EYS: variants seen among roughly 807,000 people sequenced by gnomAD.
EYS encodes protein eyes shut homolog.
Under a neutral mutation model 282.1 loss-of-function variants are expected in EYS, and 250 were observed. The observed-to-expected ratio is 0.89, with a 90% CI of 0.80 to 0.98. The LOEUF is 0.98. EYS is among the 50% of genes least tolerant of loss of function. The pLI, the probability that EYS is intolerant of heterozygous loss-of-function variation, is 0.00. For synonymous variants in EYS, 1,355 were observed against 1,282.9 expected, an observed-to-expected ratio of 1.06 and a Z score of -1.20; for missense variants, 4,016 against 3,709.0, an observed-to-expected ratio of 1.08 and a Z score of -2.15.
intron 12 of EYS, among the ~76,000 whole-genome samples, chr6:65,129,798 C>T (rs1174522836): frequency 6.6e-6 from 1 of 151,794 alleles, no homozygotes; most frequent in East Asian, 1.9e-4. Flanking sequence ...CCAACAGTCC[C>T]AATACTGGAT....
intron 22 of EYS, among the ~76,000 whole-genome samples, chr6:64,643,313 C>T (rs1012527603): frequency 2.0e-5 from 3 of 152,076 alleles, no homozygotes; most frequent in East Asian, 1.9e-4. Context: ...GGCAAAACTG[C>T]AATTAATTTT....
chr6:65,705,568 A>G (rs188239276), intron 1 of EYS, among the ~76,000 whole-genome samples: 284 of 152,270 alleles, frequency 1.9e-3, no homozygotes, highest in African/African-American at 6.4e-3. Context: ...CCATGGAAAA[A>G]GGGGCATTGT....
chr6:65,604,716 T>C (rs574295826), intron 2 of EYS, among the ~76,000 whole-genome samples: 225 of 152,068 alleles, frequency 1.5e-3, no homozygotes, highest in Non-Finnish European at 2.7e-3. Context: ...TAAGGTAGAA[T>C]AATGTATGGA....
intron 33 of EYS, among the ~76,000 whole-genome samples, chr6:64,019,367 T>A (rs563676342): frequency 1.3e-5 from 2 of 152,184 alleles, no homozygotes; most frequent in Non-Finnish European, 2.9e-5. Context: ...GTCCATTTCT[T>A]ATAGTAGCTA....
chr6:65,140,591 A>G (rs890104716), intron 12 of EYS, among the ~76,000 whole-genome samples: 1 of 151,198 alleles, frequency 6.6e-6, no homozygotes, highest in African/African-American at 2.4e-5. Context: ...CAACCTACTC[A>G]TCTGACAAAG....
chr6:64,045,749 A>G (rs984939387), intron 33 of EYS, among the ~76,000 whole-genome samples: 2 of 151,298 alleles, frequency 1.3e-5, no homozygotes, highest in Non-Finnish European at 2.9e-5. Flanking sequence ...GCTTGGCCTG[A>G]AACAAATTAT....
intron 9 of EYS, among the ~76,000 whole-genome samples, chr6:65,346,085 A>T (rs1038902934): frequency 4.0e-5 from 6 of 151,658 alleles, no homozygotes; most frequent in Non-Finnish European, 8.8e-5. Context: ...GAGTTAAAGA[A>T]TCTCAGGAGC....
chr6:64,656,945 T>A (rs111795877), intron 22 of EYS, among the ~76,000 whole-genome samples: 1,939 of 152,284 alleles, frequency 0.013, 36 homozygotes, highest in African/African-American at 0.044. Context: ...GGTATTTGCA[T>A]CTATTAAGAT....
intron 29 of EYS, among the ~76,000 whole-genome samples, chr6:64,374,672 C>T (rs577115154): frequency 1.3e-5 from 2 of 152,296 alleles, no homozygotes; most frequent in South Asian, 4.1e-4. Flanking sequence ...TGCTCACTGG[C>T]CCTTTTGTTT....
chr6:65,264,109 T>TA (rs141325256), intron 12 of EYS, among the ~76,000 whole-genome samples: 6,461 of 152,156 alleles, frequency 0.042, 188 homozygotes, highest in Middle Eastern at 0.065. Flanking sequence ...ATGTTCTATT[T>TA]AAAAAAATTA....
chr6:64,978,936 C>A (rs138679631), intron 14 of EYS, among the ~76,000 whole-genome samples: 1 of 151,782 alleles, frequency 6.6e-6, no homozygotes, highest in African/African-American at 2.4e-5. Flanking sequence ...GCAAAGAAAG[C>A]GGTTTCTTGA....
At chr6:63,891,854 C>T (rs1456479634) in intron 35 of EYS, among the ~76,000 whole-genome samples, 1 of 152,178 alleles carries the variant, frequency 6.6e-6, no homozygotes, top group African/African-American at 2.4e-5. Flanking sequence ...CCCAAAATCT[C>T]CTTAAGCTGA....
chr6:63,831,197 A>G (rs973587069), intron 36 of EYS, among the ~76,000 whole-genome samples: 1 of 152,230 alleles, frequency 6.6e-6, no homozygotes, highest in African/African-American at 2.4e-5. Flanking sequence ...TAATGACAGG[A>G]TCAAATTCAC....
intron 15 of EYS, among the ~76,000 whole-genome samples, chr6:64,927,300 A>C (rs1768548792): frequency 6.6e-6 from 1 of 152,162 alleles, no homozygotes; most frequent in Non-Finnish European, 1.5e-5. Flanking sequence ...CGGGGCATGC[A>C]TTGGAAATAC....
At position 63,832,251 on chromosome 6, in the gene EYS, C is replaced by G. The variant is rs994829374; in HGVS notation, c.7229-25879G>C. Reference sequence around the variant, plus strand: ...CTGAAGGAGATAGAGACACAAAAAACCCTTCAAAAAATCAATGAATCCAGG... The same window carrying G: ...CTGAAGGAGATAGAGACACAAAAAAGCCTTCAAAAAATCAATGAATCCAGG... On this transcript the variant is annotated intron_variant, in intron 36 of 42. Coordinates refer to ENST00000503581, the MANE Select transcript of EYS (RefSeq NM_001142800.2). Among the ~76,000 whole-genome samples the G allele has an allele frequency of 4.6e-5, 7 of 152,134 alleles. No individual in the cohort carries two copies. The East Asian group carries it at 1.4e-3, about 29-fold the overall frequency.
chr6:65,424,300 C>G (rs189534159), intron 5 of EYS, among the ~76,000 whole-genome samples: 9 of 151,902 alleles, frequency 5.9e-5, no homozygotes, highest in Admixed American at 5.3e-4. Context: ...TAACCTTGCT[C>G]TTAAGATTTT....
At chr6:64,907,082 C>A (rs1262832574) in intron 16 of EYS, among the ~76,000 whole-genome samples, 3 of 152,032 alleles carry the variant, frequency 2.0e-5, no homozygotes, top group Non-Finnish European at 4.4e-5. Context: ...AGACAAGGTC[C>A]TGCTCTGTTG....
chr6:65,383,895 A>G (rs1302447115), intron 8 of EYS, among the ~76,000 whole-genome samples: 1 of 151,902 alleles, frequency 6.6e-6, no homozygotes, highest in East Asian at 1.9e-4. Context: ...TGTCTCTCTC[A>G]GTAAATATCT....
intron 29 of EYS, among the ~76,000 whole-genome samples, chr6:64,345,283 C>A (rs1771337996): frequency 6.6e-6 from 1 of 152,096 alleles, no homozygotes; most frequent in African/African-American, 2.4e-5. Flanking sequence ...AGGCATCATG[C>A]TACCTGACTT....
Sources: allele counts gnomAD v4.1 joint callset (sites outside exome capture counted in the v4.1 genomes callset), GRCh38; gene constraint gnomAD v4.1.1; transcripts MANE v1.5; gene names NCBI Gene and HGNC (gene_info 2026-07-23, HGNC 2026-07-21).